Variants in WWP1 observed in about 807,000 individuals in gnomAD.
WWP1 encodes the protein WW domain containing E3 ubiquitin protein ligase 1.
WWP1 carries 49 observed loss-of-function variants against 130.6 expected under a neutral mutation model. The observed-to-expected ratio is 0.38, with a 90% CI of 0.30 to 0.48. WWP1 has a LOEUF of 0.48. Ranked by LOEUF, WWP1 falls within the 20% of genes least tolerant of loss-of-function variation. The pLI, the probability that WWP1 is intolerant of heterozygous loss-of-function variation, is 0.99. For missense variants in WWP1, 809 were observed against 1,100.6 expected, an observed-to-expected ratio of 0.74 and a Z score of 3.75; for synonymous variants, 332 against 367.8, an observed-to-expected ratio of 0.90 and a Z score of 1.11.
chr8:86,386,455 T>C (rs1490156839), intron 5 of WWP1, among the ~76,000 whole-genome samples: 1 of 116,168 alleles, frequency 8.6e-6, no homozygotes, highest in East Asian at 3.0e-4. Context: ...TCCCTTCCTT[T>C]CCTCCTCGTT....
intron 24 of WWP1, among the ~76,000 whole-genome samples, chr8:86,462,389 T>C (rs1392606046): frequency 6.6e-6 from 1 of 152,114 alleles, no homozygotes; most frequent in Non-Finnish European, 1.5e-5. Context: ...GAAGAAATTG[T>C]TTTTCAAGGA....
At chr8:86,395,339 G>A (rs1338809873) in intron 5 of WWP1, among the ~76,000 whole-genome samples, 2 of 152,194 alleles carry the variant, frequency 1.3e-5, no homozygotes, top group African/African-American at 2.4e-5. Flanking sequence ...ATATGTAAAT[G>A]AATGAGCATG....
intron 21 of WWP1, among the ~76,000 whole-genome samples, chr8:86,456,265 T>C (rs1321260414): frequency 6.6e-6 from 1 of 151,888 alleles, no homozygotes; most frequent in Non-Finnish European, 1.5e-5. Flanking sequence ...TATGGATACA[T>C]TGGACTTCTT....
At chr8:86,382,514 C>G (rs1235877695) in intron 5 of WWP1, among the ~76,000 whole-genome samples, 1 of 152,108 alleles carries the variant, frequency 6.6e-6, no homozygotes, top group Admixed American at 6.5e-5. Context: ...GTCTGACCAA[C>G]ATGGTGAAAC....
chr8:86,388,949 T>TATTATGAAATAAA (rs1182737854), intron 5 of WWP1, among the ~76,000 whole-genome samples: 1 of 152,160 alleles, frequency 6.6e-6, no homozygotes, highest in African/African-American at 2.4e-5. Context: ...AAGATGACTT[T>TATTATGAAATAAA]GTTGTTTTGA....
At chr8:86,372,372 C>T (rs1003546966) in intron 2 of WWP1, among the ~76,000 whole-genome samples, 5 of 152,114 alleles carry the variant, frequency 3.3e-5, no homozygotes, top group South Asian at 2.1e-4. Flanking sequence ...GTTGGCCAGG[C>T]GGGTCTTGAA....
intron 24 of WWP1, among the ~76,000 whole-genome samples, chr8:86,462,967 G>C (rs1416614469): frequency 1.3e-5 from 2 of 152,070 alleles, no homozygotes; most frequent in Non-Finnish European, 2.9e-5. Flanking sequence ...TGATGCTTGA[G>C]TATATGTTTT....
intron 10 of WWP1, among the ~76,000 whole-genome samples, chr8:86,427,051 T>C (rs556657863): frequency 6.6e-6 from 1 of 151,850 alleles, no homozygotes; most frequent in South Asian, 2.1e-4. Context: ...TAATCCCAGC[T>C]ACCCAGGAGG....
chr8:86,366,618 CAG>C (rs543834888), intron 1 of WWP1, among the ~76,000 whole-genome samples: 177 of 152,188 alleles, frequency 1.2e-3, no homozygotes, highest in African/African-American at 4.0e-3. Flanking sequence ...AAAAATCTAA[CAG>C]AATTATATTT....
chr8:86,433,264 T>TC (rs1320568522), intron 14 of WWP1, among the ~76,000 whole-genome samples: 1 of 149,224 alleles, frequency 6.7e-6, no homozygotes, highest in African/African-American at 2.5e-5. Flanking sequence ...CTACATTCAT[T>TC]CTCTTGATGC....
At chr8:86,442,824 G>A (rs1215182916) in intron 18 of WWP1, 46 bp downstream of exon 18, 2 of 1,457,480 alleles carry the variant, frequency 1.4e-6, no homozygotes, top group Non-Finnish European at 1.8e-6. Flanking sequence ...TGTTACAAAT[G>A]TATTAGAGAA....
intron 20 of WWP1, 65 bp from the exon 21 acceptor site, chr8:86,452,494 G>C: frequency 7.3e-7 from 1 of 1,378,350 alleles, no homozygotes. Context: ...AGAAGTTCTT[G>C]GTGTTTTTAA....
chr8:86,468,269 T>C lies in WWP1; in HGVS notation c.*1376T>C, dbSNP rs959524442. On this transcript the variant is annotated 3_prime_UTR_variant, in exon 25 of 25. Transcript: ENST00000517970. ...AGTACATACAGAAAAACAGTAATTA[T>C]TGTTTTGCCAAAATTTTATTTTTCT... 2 of 394,130 alleles carry C rather than the reference T, an allele frequency of 5.1e-6. No individual in the cohort carries two copies. The highest frequency in any genetic ancestry group is 9.8e-6 in the Non-Finnish European group (2 of 205,006). 24.4% of individuals were successfully genotyped at this position (394,130 alleles called of 1,614,324 possible).
At position 86,466,986 on chromosome 8, in the gene WWP1, C is replaced by G; in HGVS notation, c.*93C>G. On this transcript the variant is annotated 3_prime_UTR_variant, in exon 25 of 25. Transcript: ENST00000517970. Reference sequence around the variant, plus strand: ...GTGTATATAAGCTGTTCATTCTGTACAGTGAATTTTCCGAACCTCTCAAAG... The same window carrying G: ...GTGTATATAAGCTGTTCATTCTGTAGAGTGAATTTTCCGAACCTCTCAAAG... 1 of 885,668 alleles carries G rather than the reference C, an allele frequency of 1.1e-6. No individual in the cohort carries two copies. The highest frequency in any genetic ancestry group is 1.7e-6 in the Non-Finnish European group (1 of 576,936). 54.9% of individuals were successfully genotyped at this position (885,668 alleles called of 1,614,324 possible).
At chr8:86,375,563 T>C (rs1466329870) in intron 3 of WWP1, among the ~76,000 whole-genome samples, 2 of 110,970 alleles carry the variant, frequency 1.8e-5, no homozygotes, top group Non-Finnish European at 4.4e-5. Context: ...TGTGCTTTGC[T>C]TTTTTTAACT....
At chr8:86,409,226 C>CTTTTTTTTTTTTTTT (rs1230976832) in intron 8 of WWP1, among the ~76,000 whole-genome samples, 121 of 100,494 alleles carry the variant, frequency 1.2e-3, no homozygotes, top group Non-Finnish European at 1.7e-3. Context: ...CTTTTTCTTT[C>CTTTTTTTTTTTTTTT]TTTTTTTTTT....
intron 1 of WWP1, among the ~76,000 whole-genome samples, chr8:86,362,071 TACACATATATAC>T (rs1233662614): frequency 1.5e-5 from 2 of 131,450 alleles, no homozygotes; most frequent in South Asian, 2.4e-4. Context: ...CACATATATA[TACACATATATAC>T]ACACATATAT....
chr8:86,439,476 T>G (rs1810481824), intron 17 of WWP1, among the ~76,000 whole-genome samples: 1 of 152,212 alleles, frequency 6.6e-6, no homozygotes, highest in African/African-American at 2.4e-5. Flanking sequence ...ATTACAGGTG[T>G]GAGGCACAGC....
chr8:86,369,906 T>TA (rs549740814), intron 2 of WWP1, among the ~76,000 whole-genome samples: 249 of 148,662 alleles, frequency 1.7e-3, no homozygotes, highest in African/African-American at 3.6e-3. Flanking sequence ...TTCTTTAAAT[T>TA]AAAAAAAAAA....
Sources: allele counts gnomAD v4.1 joint callset (sites outside exome capture counted in the v4.1 genomes callset), GRCh38; gene constraint gnomAD v4.1.1; transcripts MANE v1.5; gene names NCBI Gene and HGNC (gene_info 2026-07-23, HGNC 2026-07-21).